The following PDZRN3 variants were observed in gnomAD, a reference collection of about 807,000 sequenced individuals.
PDZRN3 encodes the protein E3 ubiquitin-protein ligase PDZRN3.
A neutral mutation model predicts 85.7 loss-of-function variants in PDZRN3; 38 were observed. The observed-to-expected ratio is 0.44, with a 90% CI of 0.34 to 0.58. The LOEUF (loss-of-function observed/expected upper bound fraction) is 0.58, where lower values mean the gene tolerates loss of function less well. PDZRN3 is among the 20% of genes least tolerant of loss of function. The probability of loss-of-function intolerance (pLI) is 0.01; values close to 1 mark genes in which losing one functional copy is unlikely to be tolerated. For synonymous variants in PDZRN3, 759 were observed against 638.0 expected (o/e 1.19, Z -2.86); for missense variants, 1,629 against 1,506.4 (o/e 1.08, Z -1.35).
chr3:73,435,480 A>G (rs1702514097), intron 3 of PDZRN3, among the ~76,000 whole-genome samples: 1 of 152,156 alleles, frequency 6.6e-6, no homozygotes, highest in East Asian at 1.9e-4. Flanking sequence ...CTTAATCTCT[A>G]AATAATAGGT....
intron 3 of PDZRN3, among the ~76,000 whole-genome samples, chr3:73,501,082 T>C (rs1483757300): frequency 6.6e-6 from 1 of 152,230 alleles, no homozygotes; most frequent in Non-Finnish European, 1.5e-5. Flanking sequence ...GAAATACTTG[T>C]AATTTTTGAA....
chr3:73,596,721 C>G (rs141237521), intron 3 of PDZRN3, among the ~76,000 whole-genome samples: 57 of 152,078 alleles, frequency 3.7e-4, no homozygotes, highest in African/African-American at 1.2e-3. Context: ...GTATGGAAGA[C>G]AAAAACTGAG....
chr3:73,440,039 CTTAT>C (rs1182517275), intron 3 of PDZRN3, among the ~76,000 whole-genome samples: 3 of 145,808 alleles, frequency 2.1e-5, no homozygotes, highest in Non-Finnish European at 4.4e-5. Flanking sequence ...CGCCCAGACT[CTTAT>C]TTTTTTTTTG....
chr3:73,580,231 A>G (rs916742275), intron 3 of PDZRN3, among the ~76,000 whole-genome samples: 2 of 152,222 alleles, frequency 1.3e-5, no homozygotes, highest in African/African-American at 4.8e-5. Flanking sequence ...GGAGTCCACA[A>G]GTCCCATGAA....
At chr3:73,408,149 C>T (rs2106738787) in intron 3 of PDZRN3, 1 of 703,228 alleles carries the variant, frequency 1.4e-6, no homozygotes, top group South Asian at 1.5e-5. Context: ...CCTCCTTTTT[C>T]ACAGCTCAGA....
chr3:73,485,754 T>C (rs1489916772), intron 3 of PDZRN3, among the ~76,000 whole-genome samples: 1 of 152,158 alleles, frequency 6.6e-6, no homozygotes, highest in African/African-American at 2.4e-5. Flanking sequence ...GAGTGACAAT[T>C]AAATAAGACA....
chr3:73,435,617 G>A (rs1473662501), intron 3 of PDZRN3, among the ~76,000 whole-genome samples: 12 of 152,150 alleles, frequency 7.9e-5, no homozygotes, highest in Admixed American at 7.9e-4. Context: ...CCATCAGTGA[G>A]TCTGGTCTGT....
chr3:73,568,538 C>A (rs1701988448), intron 3 of PDZRN3, among the ~76,000 whole-genome samples: 1 of 152,180 alleles, frequency 6.6e-6, no homozygotes, highest in African/African-American at 2.4e-5. Context: ...GTGGTAAATG[C>A]ATGTCATTAC....
At chr3:73,491,753 G>A (rs148527902) in intron 3 of PDZRN3, among the ~76,000 whole-genome samples, 200 of 151,854 alleles carry the variant, frequency 1.3e-3, no homozygotes, top group African/African-American at 4.7e-3. Flanking sequence ...ATACCACTGT[G>A]TATGGCTAAT....
At chr3:73,469,702 T>TG (rs201495963) in intron 3 of PDZRN3, among the ~76,000 whole-genome samples, 2 of 152,220 alleles carry the variant, frequency 1.3e-5, no homozygotes, top group African/African-American at 2.4e-5. Context: ...CTTAAGCTGA[T>TG]GGGGTTTTTT....
chr3:73,404,145 T>A lies in PDZRN3; in HGVS notation c.1166+3A>T. 2 of 1,613,030 alleles carry A rather than the reference T, an allele frequency of 1.2e-6. No homozygotes were observed. Among genetic ancestry groups the A allele is most frequent in the Non-Finnish European group, 1.7e-6 (2 of 1,179,214 alleles). On this transcript the variant is annotated splice_donor_region_variant and intron_variant, in intron 4 of 9. Coordinates refer to ENST00000263666, the MANE Select transcript of PDZRN3 (RefSeq NM_015009.3). ...ATTAGGGGTTCAAGATTAGGTTACT[T>A]ACTCCTCTGGCAAGAGATAGGGATC...
At position 73,411,532 on chromosome 3, in the gene PDZRN3, C is replaced by T. The variant is rs1200081326; in HGVS notation, c.919-7137G>A. On this transcript the variant is annotated intron_variant, in intron 3 of 9. Transcript: ENST00000263666. The stretch of plus-strand genomic sequence containing the variant: ...CATCCAGAGGAAGAGAAGCCTTCCT[C>T]TAAATCACGCAGAAGTGCTCGTATG... Among the ~76,000 whole-genome samples, 5 of 152,284 alleles carry T rather than the reference C, an allele frequency of 3.3e-5. No homozygotes were observed. In the East Asian group the frequency reaches 7.7e-4, roughly 24 times the overall value.
intron 8 of PDZRN3, among the ~76,000 whole-genome samples, chr3:73,387,112 C>G (rs899075731): frequency 3.3e-5 from 5 of 152,202 alleles, no homozygotes; most frequent in African/African-American, 1.2e-4. Context: ...TAAGACGTGC[C>G]TTTTGCCTTC....
chr3:73,585,959 C>G (rs1284649278), intron 3 of PDZRN3, among the ~76,000 whole-genome samples: 1 of 152,106 alleles, frequency 6.6e-6, no homozygotes, highest in Non-Finnish European at 1.5e-5. Context: ...CCAGAAATAA[C>G]ACAATTTCCT....
intron 3 of PDZRN3, among the ~76,000 whole-genome samples, chr3:73,480,545 T>C (rs1424532678): frequency 2.0e-5 from 3 of 152,188 alleles, no homozygotes; most frequent in Non-Finnish European, 4.4e-5. Flanking sequence ...GGACATACTC[T>C]CTAGCCAGCT....
At chr3:73,409,309 C>T (rs1052524308) in intron 3 of PDZRN3, among the ~76,000 whole-genome samples, 4 of 152,216 alleles carry the variant, frequency 2.6e-5, no homozygotes, top group East Asian at 3.9e-4. Context: ...CAATTTGGGC[C>T]GGAATAACAT....
intron 3 of PDZRN3, among the ~76,000 whole-genome samples, chr3:73,538,296 C>A (rs932239924): frequency 1.3e-5 from 2 of 152,212 alleles, no homozygotes; most frequent in Non-Finnish European, 2.9e-5. Context: ...AGAGAACACG[C>A]ATGCACTACA....
At chr3:73,561,932 T>C (rs1701825724) in intron 3 of PDZRN3, among the ~76,000 whole-genome samples, 1 of 151,468 alleles carries the variant, frequency 6.6e-6, no homozygotes, top group Admixed American at 6.6e-5. Flanking sequence ...TTTTTTTTGC[T>C]GGAAAAGCTG....
intron 3 of PDZRN3, among the ~76,000 whole-genome samples, chr3:73,594,850 T>C (rs1163123894): frequency 6.6e-6 from 1 of 152,206 alleles, no homozygotes; most frequent in Non-Finnish European, 1.5e-5. Context: ...GATGGAGATG[T>C]ACTGACTTAT....
Sources: allele counts gnomAD v4.1 joint callset (sites outside exome capture counted in the v4.1 genomes callset), GRCh38; gene constraint gnomAD v4.1.1; transcripts MANE v1.5; gene names NCBI Gene and HGNC (gene_info 2026-07-23, HGNC 2026-07-21).